The following ARMC2 variants were observed in gnomAD, a reference collection of about 807,000 sequenced individuals.
ARMC2 encodes the protein armadillo repeat containing 2.
A neutral mutation model predicts 90.3 loss-of-function variants in ARMC2; 67 were observed. The ratio of observed to expected loss-of-function variants is 0.74; its 90% CI spans 0.61 to 0.91. The LOEUF is 0.91. Among genes scored for constraint, ARMC2 ranks in the 40% least tolerant of loss-of-function variants. The probability of loss-of-function intolerance (pLI) is 0.00; values close to 1 mark genes in which losing one functional copy is unlikely to be tolerated. For synonymous variants in ARMC2, 393 were observed against 393.0 expected (o/e 1.00, Z 0.00); for missense variants, 920 against 1,030.9 (o/e 0.89, Z 1.47).
intron 17 of ARMC2, 64 bp downstream of exon 17, chr6:108,965,204 G>A (rs1456191367): frequency 3.5e-6 from 5 of 1,413,018 alleles, no homozygotes; most frequent in Non-Finnish European, 4.9e-6. Context: ...TTTTTTCTGT[G>A]ACCTGTTCGG....
chr6:108,887,675 C>T (rs530884523), intron 5 of ARMC2, among the ~76,000 whole-genome samples: 1 of 152,094 alleles, frequency 6.6e-6, no homozygotes, highest in Non-Finnish European at 1.5e-5. Flanking sequence ...ATTTGTCGAT[C>T]AAGATATCAT....
intron 3 of ARMC2, among the ~76,000 whole-genome samples, chr6:108,864,601 G>A (rs933446720): frequency 5.9e-5 from 9 of 152,094 alleles, no homozygotes; most frequent in African/African-American, 9.7e-5. Context: ...CTTTTGTTGC[G>A]TGTGTGTGTT....
the ARMC2 span, chr6:109,000,690 T>C: frequency 1.3e-6 from 2 of 1,505,814 alleles, no homozygotes; most frequent in African/African-American, 1.4e-5. Context: ...ACAAAAAGAT[T>C]ATTCTAATTA....
chr6:108,929,720 T>C (rs1215394252), intron 11 of ARMC2, among the ~76,000 whole-genome samples: 1 of 152,188 alleles, frequency 6.6e-6, no homozygotes, highest in African/African-American at 2.4e-5. Flanking sequence ...TGGGCTCAAG[T>C]GATCCTCCTG....
the ARMC2 span, chr6:108,994,592 A>T: frequency 1.2e-6 from 2 of 1,612,232 alleles, no homozygotes; most frequent in Non-Finnish European, 1.7e-6. Flanking sequence ...CTTCAACCTC[A>T]AAGAAAGAAT....
chr6:108,964,142 A>G (rs1355979967), intron 15 of ARMC2, 38 bp from the exon 16 acceptor site: 1 of 1,591,894 alleles, frequency 6.3e-7, no homozygotes, highest in Non-Finnish European at 8.5e-7. Context: ...GGGAATCCTG[A>G]ACTTTTACTG....
chr6:108,923,488 T>G (rs982557427), intron 10 of ARMC2, among the ~76,000 whole-genome samples: 2 of 148,750 alleles, frequency 1.3e-5, no homozygotes, highest in African/African-American at 4.9e-5. Context: ...AGAGTTCTTG[T>G]TTTCTTTTTT....
intron 5 of ARMC2, among the ~76,000 whole-genome samples, chr6:108,890,185 G>A (rs1479260039): frequency 2.6e-4 from 15 of 57,380 alleles, no homozygotes; most frequent in African/African-American, 1.1e-3. Context: ...GCGAGACTCC[G>A]TCTCAAAAAA....
At chr6:109,002,192 A>G in the ARMC2 span, 6 of 1,169,030 alleles carry the variant, frequency 5.1e-6, no homozygotes, top group Non-Finnish European at 7.6e-6. Context: ...TTGTTGACCA[A>G]CAGTTCTTCA....
chr6:108,944,918 T>C (rs567086936), intron 12 of ARMC2, among the ~76,000 whole-genome samples: 1 of 152,250 alleles, frequency 6.6e-6, no homozygotes, highest in African/African-American at 2.4e-5. Context: ...GGCTCATATC[T>C]GTGTGGTTAA....
At chr6:108,863,006 C>T (rs969585295) in intron 3 of ARMC2, among the ~76,000 whole-genome samples, 19 of 152,196 alleles carry the variant, frequency 1.2e-4, no homozygotes, top group Non-Finnish European at 5.9e-5. Context: ...TGCCCACACT[C>T]AGGACTGCCC....
intron 4 of ARMC2, among the ~76,000 whole-genome samples, chr6:108,873,933 G>A (rs1365924225): frequency 1.3e-5 from 2 of 152,160 alleles, no homozygotes; most frequent in African/African-American, 4.8e-5. Flanking sequence ...ACGTCATTAA[G>A]AAAAGTGTTT....
At chr6:109,040,970 T>G in the ARMC2 span, among the ~76,000 whole-genome samples, 3 of 151,908 alleles carry the variant, frequency 2.0e-5, no homozygotes, top group Non-Finnish European at 4.4e-5. Flanking sequence ...CATAAATTTT[T>G]AAAATAACAT....
chr6:108,927,699 C>T (rs1167942441), intron 10 of ARMC2, among the ~76,000 whole-genome samples: 1 of 130,152 alleles, frequency 7.7e-6, no homozygotes, highest in Non-Finnish European at 1.7e-5. Flanking sequence ...GACAAGAATA[C>T]CTATAAAATT....
At chr6:108,897,882 A>G (rs139449972) in intron 6 of ARMC2, among the ~76,000 whole-genome samples, 72 of 152,308 alleles carry the variant, frequency 4.7e-4, no homozygotes, top group African/African-American at 1.6e-3. Flanking sequence ...ATTTTAATCC[A>G]TATTAATATT....
chr6:108,861,765 T>C (rs554597823), intron 3 of ARMC2, among the ~76,000 whole-genome samples: 8 of 152,170 alleles, frequency 5.3e-5, no homozygotes, highest in Non-Finnish European at 8.8e-5. Flanking sequence ...CTCTACCTTA[T>C]TGTAGAGTGG....
the ARMC2 span, among the ~76,000 whole-genome samples, chr6:108,979,696 C>A: frequency 6.6e-5 from 10 of 151,854 alleles, no homozygotes; most frequent in Non-Finnish European, 1.3e-4. Context: ...CGTTTCTTTT[C>A]ATTCTTTTTT....
At chr6:108,995,775 C>T in the ARMC2 span, among the ~76,000 whole-genome samples, 3 of 152,042 alleles carry the variant, frequency 2.0e-5, no homozygotes, top group Non-Finnish European at 4.4e-5. Flanking sequence ...CAGAGAGAGA[C>T]TTTGTCTCAA....
At chr6:109,032,939 A>G in the ARMC2 span, among the ~76,000 whole-genome samples, 14 of 152,222 alleles carry the variant, frequency 9.2e-5, no homozygotes, top group Admixed American at 9.2e-4. Flanking sequence ...AGTGCCTTGT[A>G]AGAACCCACA....
Sources: allele counts gnomAD v4.1 joint callset (sites outside exome capture counted in the v4.1 genomes callset), GRCh38; gene constraint gnomAD v4.1.1; transcripts MANE v1.5; gene names NCBI Gene and HGNC (gene_info 2026-07-23, HGNC 2026-07-21).